ITSN2: variants seen among roughly 807,000 people sequenced by gnomAD.
ITSN2 encodes the protein intersectin 2, also known as intersectin-2.
A neutral mutation model predicts 243.7 loss-of-function variants in ITSN2; 156 were observed. The observed-to-expected ratio is 0.64, with a 90% CI of 0.56 to 0.73. The LOEUF is 0.73. Ranked by LOEUF, ITSN2 falls within the 30% of genes least tolerant of loss-of-function variation. ITSN2 has a pLI of 0.00. For missense variants in ITSN2, 1,801 were observed against 1,996.1 expected, an observed-to-expected ratio of 0.90 and a Z score of 1.86; for synonymous variants, 703 against 699.9, an observed-to-expected ratio of 1.00 and a Z score of -0.07.
intron 23 of ITSN2, among the ~76,000 whole-genome samples, chr2:24,254,941 T>C (rs1421390319): frequency 2.0e-5 from 3 of 152,216 alleles, no homozygotes; most frequent in African/African-American, 7.2e-5. Flanking sequence ...CCTGTTTAAC[T>C]AGACACCTGT....
intron 2 of ITSN2, among the ~76,000 whole-genome samples, chr2:24,317,878 C>A (rs1055613089): frequency 6.6e-6 from 1 of 152,140 alleles, no homozygotes; most frequent in Non-Finnish European, 1.5e-5. Context: ...GGCAGACTGA[C>A]TATATTGGAC....
rs34385491 is a variant in ITSN2, at chr2:24,260,903, C to CAAA, written c.2682+200_2682+202dup. On this transcript the variant is annotated intron_variant, in intron 22 of 39. Coordinates refer to ENST00000355123, the MANE Select transcript of ITSN2 (RefSeq NM_006277.3). ...TGGGCAACAGAGTGAGGCTCCGTCTCAAAAAAAAAAAAAAAAAAATTGTTG... is the reference window on the plus strand; with the variant it reads ...TGGGCAACAGAGTGAGGCTCCGTCTCAAAAAAAAAAAAAAAAAAAAAATTGTTG... Among the ~76,000 whole-genome samples the CAAA allele has an allele frequency of 0.58, 68,014 of 117,464 alleles. 20,524 individuals are homozygous for CAAA. Among genetic ancestry groups the CAAA allele is most frequent in the East Asian group, 0.76 (3,205 of 4,226 alleles). 77.1% of individuals were successfully genotyped at this position (117,464 alleles called of 152,430 possible). A position where few individuals can be genotyped will look rare whatever the true frequency, so the allele number is the denominator to read the frequency against.
chr2:24,337,327 T>TAC (rs1160206721), intron 1 of ITSN2, among the ~76,000 whole-genome samples: 11 of 97,376 alleles, frequency 1.1e-4, no homozygotes, highest in African/African-American at 2.9e-4. Context: ...TATATATATA[T>TAC]ATATATATAT....
chr2:24,286,550 T>C (rs781501655), intron 15 of ITSN2, among the ~76,000 whole-genome samples, 199 bp from the exon 16 acceptor site: 1 of 152,174 alleles, frequency 6.6e-6, no homozygotes, highest in Non-Finnish European at 1.5e-5. Context: ...TCAGAGGAAA[T>C]GGTTGTAAGC....
chr2:24,331,841 AAAC>A (rs1361951600), intron 1 of ITSN2, among the ~76,000 whole-genome samples: 2 of 152,216 alleles, frequency 1.3e-5, no homozygotes. Flanking sequence ...AAAAGTTGTT[AAAC>A]AATATGCTAA....
chr2:24,217,380 C>G (rs886678224), intron 31 of ITSN2, among the ~76,000 whole-genome samples: 5 of 152,102 alleles, frequency 3.3e-5, no homozygotes, highest in African/African-American at 1.2e-4. Context: ...AATTTTCAGT[C>G]TGTAAGAGAA....
At position 24,249,069 on chromosome 2, in the gene ITSN2, C is replaced by T. The variant is rs1673776061; in HGVS notation, c.3121-187G>A. On this transcript the variant is annotated intron_variant, in intron 25 of 39. Coordinates refer to ENST00000355123, the MANE Select transcript of ITSN2 (RefSeq NM_006277.3). This position sits in a 1 kb window ranked among gnomAD's most constrained non-coding sequence, Gnocchi z 4.4. ...AAAAATCCAACACTTATGAGGAGAT[C>T]TGGTCTGCTAATGTAATACATTATA... is the stretch of plus-strand genomic sequence containing the variant. Among the ~76,000 whole-genome samples, 1 of 152,158 alleles carries T rather than the reference C, an allele frequency of 6.6e-6. No individual in the cohort carries two copies. The highest frequency in any genetic ancestry group is 1.5e-5 in the Non-Finnish European group (1 of 68,036).
chr2:24,236,467 C>CA (rs1672163051), intron 29 of ITSN2, among the ~76,000 whole-genome samples: 1 of 152,092 alleles, frequency 6.6e-6, no homozygotes, highest in Non-Finnish European at 1.5e-5. Context: ...TAAAAACCAC[C>CA]AATTGCATGG....
At chr2:24,300,437 G>A (rs1377252373) in intron 11 of ITSN2, among the ~76,000 whole-genome samples, 7 of 152,088 alleles carry the variant, frequency 4.6e-5, no homozygotes, top group African/African-American at 1.7e-4. Context: ...TACTTTTTCG[G>A]TTGGGTGTGG....
At chr2:24,347,089 T>C (rs1268868932) in intron 1 of ITSN2, among the ~76,000 whole-genome samples, 1 of 152,008 alleles carries the variant, frequency 6.6e-6, no homozygotes, top group African/African-American at 2.4e-5. Context: ...GGTCTTGAAC[T>C]CCTGACCTTG....
At chr2:24,285,592 G>A (rs942922849) in intron 16 of ITSN2, among the ~76,000 whole-genome samples, 1 of 152,136 alleles carries the variant, frequency 6.6e-6, no homozygotes. Context: ...CCATGAGCCT[G>A]GGTTTTTAGT....
At chr2:24,359,198 G>A (rs1469771806) in intron 1 of ITSN2, among the ~76,000 whole-genome samples, 1 of 152,160 alleles carries the variant, frequency 6.6e-6, no homozygotes, top group Non-Finnish European at 1.5e-5. Flanking sequence ...TAGCTTTTAG[G>A]TTTTATCACT....
intron 1 of ITSN2, chr2:24,330,288 A>G (rs934155840): frequency 7.8e-6 from 3 of 383,718 alleles, no homozygotes; most frequent in African/African-American, 6.3e-5. Context: ...AAAGAATGCC[A>G]AATAGAGAGC....
chr2:24,220,687 C>T (rs995182422), intron 30 of ITSN2: 1 of 1,301,000 alleles, frequency 7.7e-7, no homozygotes, highest in African/African-American at 1.5e-5. Context: ...TGCGAATGCC[C>T]TCTTGTTCTC....
At chr2:24,275,676 T>C (rs1485513426) in intron 18 of ITSN2, 37 bp downstream of exon 18, 2 of 1,530,028 alleles carry the variant, frequency 1.3e-6, no homozygotes, top group East Asian at 2.3e-5. Flanking sequence ...ACAATTCTAA[T>C]GGCAATATAG....
In ITSN2 at chr2:24,284,754, G is replaced by T; in HGVS notation, c.1944+9C>A. On this transcript the variant is annotated intron_variant, in intron 17 of 39. Coordinates refer to ENST00000355123, the MANE Select transcript of ITSN2 (RefSeq NM_006277.3). ...CTCAAAGAAAAGAAGCTAGATATTA[G>T]AAAATAACCTTAAGTAAGAGGAAGA... 1 of 1,529,172 alleles carries T rather than the reference G, an allele frequency of 6.5e-7. No homozygotes were observed. Among genetic ancestry groups the T allele is most frequent in the Non-Finnish European group, 9.0e-7 (1 of 1,106,544 alleles). The allele number at this position is 1,529,172 out of a possible 1,614,324, so 94.7% of individuals were successfully genotyped here.
intron 37 of ITSN2, among the ~76,000 whole-genome samples, chr2:24,207,609 C>A (rs758475647): frequency 2.0e-5 from 3 of 151,936 alleles, no homozygotes; most frequent in Non-Finnish European, 4.4e-5. Flanking sequence ...ACTGGGAAGG[C>A]GGCCATGGGG....
chr2:24,220,217 G>T, intron 30 of ITSN2: 1 of 495,424 alleles, frequency 2.0e-6, no homozygotes, highest in Non-Finnish European at 2.6e-6. Flanking sequence ...GGGTGTGTGG[G>T]GGTAGGGGAC....
Position 24,262,349 on chromosome 2 carries a change from A to G in ITSN2, c.2356-607T>C, listed in dbSNP as rs192777445. 3.9e-3 allele frequency among the ~76,000 whole-genome samples: 588 copies of G among 152,248 alleles called. 5 individuals are homozygous for G. Among genetic ancestry groups the G allele is most frequent in the African/African-American group, 0.013 (557 of 41,540 alleles). On this transcript the variant is annotated intron_variant, in intron 20 of 39. Transcript: ENST00000355123. ...TTTGTAAACTTTTTATTCTCCTATA[A>G]TCATTACTTTTTTTGTTTTTGGCTT...
Sources: gnomAD v4.1 joint callset for allele counts (sites outside exome capture counted in the v4.1 genomes callset) on GRCh38, gnomAD v4.1.1 for gene constraint, Gnocchi (gnomAD v3.1) non-coding constraint, MANE v1.5 for transcripts, NCBI Gene and HGNC (gene_info 2026-07-23, HGNC 2026-07-21) for gene names.